ZNF121: variants seen among roughly 807,000 people sequenced by gnomAD.
ZNF121 encodes zinc finger protein 121 (clone ZHC32).
ZNF121 carries 1 observed loss-of-function variant against 2.4 expected under a neutral mutation model. That is an observed-to-expected ratio of 0.41 (90% CI 0.15 to 1.94). The LOEUF (loss-of-function observed/expected upper bound fraction) is 1.94. Among genes scored for constraint, ZNF121 ranks in the 30% most tolerant of loss-of-function variants. The probability of loss-of-function intolerance (pLI) is 0.30; values close to 1 mark genes in which losing one functional copy is unlikely to be tolerated. For synonymous variants in ZNF121, 173 were observed against 158.6 expected (o/e 1.09, Z -0.68); for missense variants, 369 against 466.3 (o/e 0.79, Z 1.92).
rs2074094729 is a variant in ZNF121 at position 9,560,401 on chromosome 19, A to C, written c.*5539T>G. On this transcript the variant is annotated 3_prime_UTR_variant, in exon 4 of 4. Coordinates refer to ENST00000320451, the MANE Select transcript of ZNF121 (RefSeq NM_001008727.5). Reference sequence around the variant, plus strand: ...CTTTCACATACTTTGTGTGTACCGAAGAGTATTGTTAACTATAGGCATATT... The same window carrying C: ...CTTTCACATACTTTGTGTGTACCGACGAGTATTGTTAACTATAGGCATATT... The C allele has an allele frequency of 6.6e-6, 1 of 152,176 alleles. No homozygotes were observed. Among genetic ancestry groups the C allele is most frequent in the African/African-American group, 2.4e-5 (1 of 41,436 alleles). 9.4% of individuals were successfully genotyped at this position (152,176 alleles called of 1,614,324 possible).
chr19:9,577,072 A>AGG (rs1475499014), intron 1 of ZNF121, among the ~76,000 whole-genome samples: 2 of 152,246 alleles, frequency 1.3e-5, no homozygotes, highest in Non-Finnish European at 2.9e-5. Flanking sequence ...ATTGAAGAGA[A>AGG]GAGAATATTT....
intron 1 of ZNF121, among the ~76,000 whole-genome samples, chr19:9,574,215 G>A (rs1012842582): frequency 1.4e-4 from 22 of 151,970 alleles, no homozygotes; most frequent in Middle Eastern, 3.4e-3. Flanking sequence ...GCGCGATCTC[G>A]GCTCACTGCA....
rs1443291734 is a variant in ZNF121, at chr19:9,565,245, G to C, written c.*695C>G. ...TAGAAAGGCCTAAGGAAATAATGAG[G>C]GCTTTCTGTGTTTTCTACATTGTAT... is the stretch of plus-strand genomic sequence containing the variant. On this transcript the variant is annotated 3_prime_UTR_variant, in exon 4 of 4. Transcript: ENST00000320451. 2 of 149,498 alleles carry C rather than the reference G, an allele frequency of 1.3e-5. No homozygotes were observed. Among genetic ancestry groups the C allele is most frequent in the East Asian group, 4.0e-4 (2 of 5,034 alleles). 9.3% of individuals were successfully genotyped at this position (149,498 alleles called of 1,614,324 possible).
chr19:9,568,040 A>G (rs1294797390), intron 3 of ZNF121, 55 bp downstream of exon 3: 2 of 1,510,530 alleles, frequency 1.3e-6, no homozygotes, highest in African/African-American at 1.5e-5. Context: ...CTGATTTTTT[A>G]TAATTGAATC....
chr19:9,573,990 A>AT (rs1422898627), intron 1 of ZNF121, among the ~76,000 whole-genome samples: 2 of 150,926 alleles, frequency 1.3e-5, no homozygotes, highest in Admixed American at 1.3e-4. Flanking sequence ...GTTACTACAA[A>AT]TGTGCACCAC....
chr19:9,575,560 T>A (rs1288092753), intron 1 of ZNF121, among the ~76,000 whole-genome samples: 1 of 151,984 alleles, frequency 6.6e-6, no homozygotes, highest in Non-Finnish European at 1.5e-5. Context: ...CTGGCCAACA[T>A]GGCAAAACTC....
rs1410956220 is a variant in ZNF121, at chr19:9,565,488, G to A, written c.*452C>T. The A allele has an allele frequency of 6.7e-6, 1 of 149,686 alleles. No individual in the cohort carries two copies. The highest frequency in any genetic ancestry group is 1.5e-5 in the Non-Finnish European group (1 of 67,746). The allele number at this position is 149,686 out of a possible 1,614,324, so 9.3% of individuals were successfully genotyped here. On this transcript the variant is annotated 3_prime_UTR_variant, in exon 4 of 4. Coordinates refer to ENST00000320451, the MANE Select transcript of ZNF121 (RefSeq NM_001008727.5). ...AGCTCGAGACCAGCCTGGCCAACAT[G>A]GTGAAACCCCATCTCTACTAAAAAT...
At position 9,568,113 on chromosome 19, in the gene ZNF121, T is replaced by C; in HGVS notation, c.-16A>G. 6.5e-7 allele frequency: 1 copy of C among 1,545,468 alleles called. No individual in the cohort carries two copies. Among genetic ancestry groups the C allele is most frequent in the Non-Finnish European group, 8.8e-7 (1 of 1,132,614 alleles). On this transcript the variant is annotated 5_prime_UTR_variant, in exon 3 of 4. Coordinates refer to ENST00000320451, the MANE Select transcript of ZNF121 (RefSeq NM_001008727.5). ...ATCTTACCATTTGTATGCCGTTTGA[T>C]GTTTTGTTAAGCCAAAAAAAAATGT... is the stretch of plus-strand genomic sequence containing the variant.
intron 1 of ZNF121, among the ~76,000 whole-genome samples, chr19:9,582,799 T>C (rs559526130): frequency 3.3e-5 from 5 of 150,610 alleles, no homozygotes; most frequent in South Asian, 2.1e-4. Flanking sequence ...ATGTTCAAGT[T>C]TTCCCTAGGA....
intron 3 of ZNF121, 110 bp downstream of exon 3, chr19:9,567,985 C>T (rs963301933): frequency 7.4e-6 from 9 of 1,222,646 alleles, no homozygotes; most frequent in South Asian, 1.6e-5. Context: ...AGACATTCCT[C>T]CTGCTTGAGT....
At position 9,564,470 on chromosome 19, in the gene ZNF121, G is replaced by T. The variant is rs1391617671; in HGVS notation, c.*1470C>A. 1 of 152,142 alleles carries T rather than the reference G, an allele frequency of 6.6e-6. No homozygotes were observed. The highest frequency in any genetic ancestry group is 1.5e-5 in the Non-Finnish European group (1 of 68,028). 9.4% of individuals were successfully genotyped at this position (152,142 alleles called of 1,614,324 possible). A position where few individuals can be genotyped will look rare whatever the true frequency, so the allele number is the denominator to read the frequency against. On this transcript the variant is annotated 3_prime_UTR_variant, in exon 4 of 4. Transcript: ENST00000320451. ...CAACCTTCATAGGTGACTCTGAGGG[G>T]TTCAAGTCTTCAGTGGAAAAAGTAA...
intron 2 of ZNF121, among the ~76,000 whole-genome samples, chr19:9,568,709 AT>A (rs1362064932): frequency 6.6e-6 from 1 of 152,182 alleles, no homozygotes; most frequent in African/African-American, 2.4e-5. Context: ...TTCTATAGAA[AT>A]TAAATGAGAT....
chr19:9,578,126 G>A (rs1358467072), intron 1 of ZNF121, among the ~76,000 whole-genome samples: 3 of 152,136 alleles, frequency 2.0e-5, no homozygotes, highest in Non-Finnish European at 4.4e-5. Flanking sequence ...GAAGGCTGAG[G>A]CAGGAGAATG....
intron 1 of ZNF121, among the ~76,000 whole-genome samples, chr19:9,573,301 G>GA (rs1054977303): frequency 6.6e-6 from 1 of 152,042 alleles, no homozygotes; most frequent in African/African-American, 2.4e-5. Context: ...AAATGTATCA[G>GA]AAAAAACTTT....
At chr19:9,578,042 C>CA (rs34762369) in intron 1 of ZNF121, among the ~76,000 whole-genome samples, 46,879 of 138,262 alleles carry the variant, frequency 0.34, 8,467 homozygotes, top group East Asian at 0.54. Context: ...AAAAAAAATA[C>CA]AAAAAAAAAA....
intron 1 of ZNF121, among the ~76,000 whole-genome samples, chr19:9,581,418 G>A (rs530189148): frequency 6.6e-6 from 1 of 152,228 alleles, no homozygotes; most frequent in South Asian, 2.1e-4. Flanking sequence ...GAAAAGTGGA[G>A]AGGAAGGGGA....
At position 9,566,776 on chromosome 19, in the gene ZNF121, C is replaced by T. The variant is rs539222558; in HGVS notation, c.337G>A (p.Glu113Lys). The change falls in exon 4 of 4, where the codon GAA becomes AAA. Residue 113 changes from glutamate to lysine, a missense_variant. This residue lies in a region of ZNF121 where 168 missense variants were observed against 162.3 expected (regional missense o/e 1.03). Coordinates refer to ENST00000320451, the MANE Select transcript of ZNF121 (RefSeq NM_001008727.5). Reference protein sequence around the residue: ...LQANRITHNGETLYEQKQCGR... With the variant: ...LQANRITHNGKTLYEQKQCGR... ...CATTGCTTCTGTTCATAGAGTGTTTCTCCATTGTGAGTTATCCTATTTGCC... is the reference window on the plus strand; with the variant it reads ...CATTGCTTCTGTTCATAGAGTGTTTTTCCATTGTGAGTTATCCTATTTGCC... 1.1e-5 allele frequency: 18 copies of T among 1,614,192 alleles called. No individual in the cohort carries two copies. The African/African-American group carries it at 2.0e-4, about 18-fold the overall frequency.
rs1389941905 is a variant in ZNF121 at position 9,566,784 on chromosome 19, T to C, written c.329A>G (p.His110Arg). 1 of 1,613,990 alleles carries C rather than the reference T, an allele frequency of 6.2e-7. No homozygotes were observed. The highest frequency in any genetic ancestry group is 2.2e-5 in the East Asian group (1 of 44,880). The change falls in exon 4 of 4, where the codon CAC becomes CGC. Residue 110 changes from histidine to arginine, a missense_variant. Around this residue, in one of 4 missense-constraint regions of ZNF121, gnomAD observed 168 missense variants for 162.3 expected, o/e 1.03. Transcript: ENST00000320451. ...CTGTTCATAGAGTGTTTCTCCATTG[T>C]GAGTTATCCTATTTGCCTGAAGATG... is the stretch of plus-strand genomic sequence containing the variant. ...QSHLQANRIT[H>R]NGETLYEQKQ...
At chr19:9,577,375 G>T (rs371173905) in intron 1 of ZNF121, among the ~76,000 whole-genome samples, 4 of 151,958 alleles carry the variant, frequency 2.6e-5, no homozygotes, top group African/African-American at 9.7e-5. Flanking sequence ...ACTTGAACCC[G>T]GGAGGCGGAG....
Sources: allele counts gnomAD v4.1 joint callset (sites outside exome capture counted in the v4.1 genomes callset), GRCh38; gene constraint gnomAD v4.1.1; regional missense constraint gnomAD v4.1.1; transcripts MANE v1.5; gene names NCBI Gene and HGNC (gene_info 2026-07-23, HGNC 2026-07-21).